Variants in HIPK2 observed in about 807,000 individuals in gnomAD.
HIPK2 encodes the protein homeodomain-interacting protein kinase 2.
Under a neutral mutation model 113.7 loss-of-function variants are expected in HIPK2, and 27 were observed. That is an observed-to-expected ratio of 0.24 (90% CI 0.17 to 0.33). HIPK2 has a LOEUF of 0.33. Among genes scored for constraint, HIPK2 ranks in the 10% least tolerant of loss-of-function variants. HIPK2 has a pLI of 1.00. For missense variants in HIPK2, 1,257 were observed against 1,588.0 expected (o/e 0.79, Z 3.54); for synonymous variants, 631 against 642.2 (o/e 0.98, Z 0.26).
chr7:139,646,308 C>A (rs1801220698), intron 2 of HIPK2, among the ~76,000 whole-genome samples: 2 of 151,916 alleles, frequency 1.3e-5, no homozygotes, highest in African/African-American at 4.8e-5. Context: ...GTAGCCTGGG[C>A]AACATAGTAA....
intron 2 of HIPK2, among the ~76,000 whole-genome samples, chr7:139,668,680 C>T (rs1802148596): frequency 6.6e-6 from 1 of 151,914 alleles, no homozygotes; most frequent in Non-Finnish European, 1.5e-5. Context: ...AAAAAATTAA[C>T]AAATGGAATC....
chr7:139,700,984 G>A (rs1467973143), intron 2 of HIPK2, among the ~76,000 whole-genome samples: 2 of 152,216 alleles, frequency 1.3e-5, no homozygotes, highest in Non-Finnish European at 2.9e-5. Context: ...AAACAGTTCG[G>A]AAAAATTTAA....
At chr7:139,663,860 C>A (rs374170365) in intron 2 of HIPK2, among the ~76,000 whole-genome samples, 1 of 152,170 alleles carries the variant, frequency 6.6e-6, no homozygotes, top group African/African-American at 2.4e-5. Context: ...CCTGCTTTCC[C>A]GAAGCCCACC....
rs546209115 is a variant in HIPK2, at chr7:139,740,103, C to T, written c.20-23088G>A. On this transcript the variant is annotated intron_variant, in intron 1 of 14. Coordinates refer to ENST00000406875, the MANE Select transcript of HIPK2 (RefSeq NM_022740.5). ...TGTTTAACCTTTTGAGGACCTGACACTTGTTTTCCAAAGTGGCCTCCTGAA... is the reference window on the plus strand; with the variant it reads ...TGTTTAACCTTTTGAGGACCTGACATTTGTTTTCCAAAGTGGCCTCCTGAA... Among the ~76,000 whole-genome samples, 3 of 152,248 alleles carry T rather than the reference C, an allele frequency of 2.0e-5. No homozygotes were observed. The East Asian group carries it at 5.8e-4, about 29-fold the overall frequency.
chr7:139,615,640 A>G (rs1378008602), intron 7 of HIPK2, among the ~76,000 whole-genome samples: 2 of 152,260 alleles, frequency 1.3e-5, no homozygotes, highest in Non-Finnish European at 2.9e-5. Context: ...TTTTGCCTCT[A>G]GAAGTTACAA....
At chr7:139,649,261 G>A (rs1458248628) in intron 2 of HIPK2, among the ~76,000 whole-genome samples, 2 of 152,194 alleles carry the variant, frequency 1.3e-5, no homozygotes, top group Non-Finnish European at 2.9e-5. Context: ...GGTGGCTGCG[G>A]GGGGCGGGCC....
intron 2 of HIPK2, among the ~76,000 whole-genome samples, chr7:139,657,053 TAG>T (rs1408379025): frequency 1.3e-5 from 2 of 152,158 alleles, no homozygotes; most frequent in Non-Finnish European, 2.9e-5. Context: ...GTATTTTTAA[TAG>T]AGACGGGGTT....
At chr7:139,589,583 G>A (rs1481209674) in intron 12 of HIPK2, among the ~76,000 whole-genome samples, 2 of 152,182 alleles carry the variant, frequency 1.3e-5, no homozygotes, top group African/African-American at 4.8e-5. Flanking sequence ...ACTATCTCAA[G>A]ACACAACAGC....
Position 139,653,462 on chromosome 7 carries a change from C to T in HIPK2, c.1104-21737G>A, listed in dbSNP as rs553867254. 3.3e-5 allele frequency among the ~76,000 whole-genome samples: 5 copies of T among 150,858 alleles called. No individual in the cohort carries two copies. The South Asian group carries it at 1.1e-3, about 32-fold the overall frequency. On this transcript the variant is annotated intron_variant, in intron 2 of 14. Coordinates refer to ENST00000406875, the MANE Select transcript of HIPK2 (RefSeq NM_022740.5). ...GGGACAAATCACACCTCCCACACCG[C>T]CATCTCGTATGGTAAAACTCTGACC...
In HIPK2 at chr7:139,600,413, C is replaced by T. The variant is rs181186714; in HGVS notation, c.2435+4G>A. The T allele has an allele frequency of 2.9e-5, 47 of 1,612,244 alleles. No homozygotes were observed. In the East Asian group the frequency reaches 1.0e-3, roughly 34 times the overall value. On this transcript the variant is annotated splice_donor_region_variant and intron_variant, in intron 11 of 14. Coordinates refer to ENST00000406875, the MANE Select transcript of HIPK2 (RefSeq NM_022740.5). Reference sequence around the variant, plus strand: ...TCTTCCCTAGGGTGGCTCTCACCACCTACCTCACAGATGACTGGTGCTGCT... The same window carrying T: ...TCTTCCCTAGGGTGGCTCTCACCACTTACCTCACAGATGACTGGTGCTGCT...
chr7:139,581,127 G>A (rs576866938), intron 13 of HIPK2, among the ~76,000 whole-genome samples: 4 of 152,326 alleles, frequency 2.6e-5, no homozygotes, highest in African/African-American at 9.6e-5. Flanking sequence ...GGCTGAGACA[G>A]CAGAATTGCT....
chr7:139,641,146 C>T (rs917140210), intron 2 of HIPK2, among the ~76,000 whole-genome samples: 2 of 152,106 alleles, frequency 1.3e-5, no homozygotes, highest in African/African-American at 4.8e-5. Context: ...AGGTGGATCA[C>T]CTGAGGTCAG....
Position 139,611,443 on chromosome 7 carries a change from G to T in HIPK2, c.2112+1759C>A, listed in dbSNP as rs149539792. The stretch of plus-strand genomic sequence containing the variant: ...ATAACTTGTCCCATTAGTAGATTAA[G>T]GAACAAAAAGCATATGAGTGTCTTA... On this transcript the variant is annotated intron_variant, in intron 9 of 14. Transcript: ENST00000406875. 7.9e-3 allele frequency among the ~76,000 whole-genome samples: 1,203 copies of T among 152,054 alleles called. 16 individuals are homozygous for T. Among genetic ancestry groups the T allele is most frequent in the African/African-American group, 0.027 (1,140 of 41,502 alleles).
chr7:139,620,450 G>A lies in HIPK2; in HGVS notation c.1733C>T (p.Thr578Ile). The A allele has an allele frequency of 3.1e-6, 5 of 1,614,012 alleles. No individual in the cohort carries two copies. Among genetic ancestry groups the A allele is most frequent in the Non-Finnish European group, 4.2e-6 (5 of 1,179,908 alleles). Residue 578 changes from threonine (T) to isoleucine (I), a missense_variant, in exon 7 of 15, where the codon ACC becomes ATC. By Grantham distance (89) the Thr-to-Ile change is moderately conservative. Around this residue, in one of 5 missense-constraint regions of HIPK2, gnomAD observed 862 missense variants for 1,004.3 expected, o/e 0.86. Transcript: ENST00000406875. The stretch of plus-strand genomic sequence containing the variant: ...GTTGTTAAAGGTCATGGTCAGGTTG[G>A]TGGACGTGCTGGGGGCCACGTGCGT... ...FITHVAPSTS[T>I]NLTMTFNNQL...
intron 2 of HIPK2, among the ~76,000 whole-genome samples, chr7:139,652,228 AT>A (rs1668757441): frequency 6.6e-6 from 1 of 152,202 alleles, no homozygotes; most frequent in Non-Finnish European, 1.5e-5. Context: ...TCTTGAGAAT[AT>A]CCTTCCTAGG....
intron 12 of HIPK2, among the ~76,000 whole-genome samples, chr7:139,588,612 C>T (rs1263282399): frequency 6.6e-6 from 1 of 151,710 alleles, no homozygotes; most frequent in Non-Finnish European, 1.5e-5. Context: ...GGAAGTGGGA[C>T]TCTAGGAGGT....
intron 2 of HIPK2, among the ~76,000 whole-genome samples, chr7:139,682,193 G>A (rs1172983803): frequency 6.6e-6 from 1 of 152,078 alleles, no homozygotes; most frequent in Non-Finnish European, 1.5e-5. Context: ...TTCACGACAG[G>A]CAAGGTCCTT....
intron 2 of HIPK2, among the ~76,000 whole-genome samples, chr7:139,646,154 C>G (rs140121904): frequency 2.8e-4 from 43 of 152,244 alleles, no homozygotes; most frequent in African/African-American, 1.0e-3. Context: ...CCTGAACCTT[C>G]AACTTCCATG....
chr7:139,610,461 G>A (rs73481745), intron 9 of HIPK2, among the ~76,000 whole-genome samples: 5,725 of 152,120 alleles, frequency 0.038, 330 homozygotes, highest in African/African-American at 0.13. Flanking sequence ...TGAACTCCCC[G>A]CTACTGAACT....
Sources: gnomAD v4.1 joint callset for allele counts (sites outside exome capture counted in the v4.1 genomes callset) on GRCh38, gnomAD v4.1.1 for gene constraint, gnomAD v4.1.1 regional missense constraint, MANE v1.5 for transcripts, NCBI Gene and HGNC (gene_info 2026-07-23, HGNC 2026-07-21) for gene names.